KCNH7: variants seen among roughly 807,000 people sequenced by gnomAD.
KCNH7 encodes the protein voltage-gated inwardly rectifying potassium channel KCNH7.
Under a neutral mutation model 120.8 loss-of-function variants are expected in KCNH7, and 49 were observed. That is an observed-to-expected ratio of 0.41 (90% CI 0.32 to 0.51). The LOEUF (loss-of-function observed/expected upper bound fraction) is 0.51. KCNH7 is among the 20% of genes least tolerant of loss of function. The probability of loss-of-function intolerance (pLI) is 0.38; values close to 1 mark genes in which losing one functional copy is unlikely to be tolerated. For missense variants in KCNH7, 1,097 were observed against 1,446.6 expected, an observed-to-expected ratio of 0.76 and a Z score of 3.92; for synonymous variants, 547 against 516.1, an observed-to-expected ratio of 1.06 and a Z score of -0.81.
intron 2 of KCNH7, among the ~76,000 whole-genome samples, chr2:162,730,785 C>A (rs1687697035): frequency 6.6e-6 from 1 of 151,908 alleles, no homozygotes; most frequent in African/African-American, 2.4e-5. Context: ...AAATATGTTC[C>A]AGTGTCATTC....
At chr2:162,572,290 G>GA (rs1693509250) in intron 2 of KCNH7, among the ~76,000 whole-genome samples, 1 of 149,064 alleles carries the variant, frequency 6.7e-6, no homozygotes, top group Non-Finnish European at 1.5e-5. Flanking sequence ...AAAAACACAT[G>GA]AAAAAATGCT....
At chr2:162,710,939 C>T (rs965954086) in intron 2 of KCNH7, among the ~76,000 whole-genome samples, 2 of 152,068 alleles carry the variant, frequency 1.3e-5, no homozygotes, top group Admixed American at 1.3e-4. Flanking sequence ...CGCCATTTTG[C>T]AATTTTGCTT....
intron 3 of KCNH7, among the ~76,000 whole-genome samples, chr2:162,535,218 C>A (rs1161647126): frequency 3.3e-5 from 5 of 151,540 alleles, no homozygotes; most frequent in South Asian, 2.1e-4. Flanking sequence ...TTTAATGATA[C>A]CTTGGAGGTA....
intron 5 of KCNH7, among the ~76,000 whole-genome samples, chr2:162,509,766 TA>T (rs1173754292): frequency 6.6e-6 from 1 of 151,566 alleles, no homozygotes; most frequent in Non-Finnish European, 1.5e-5. Context: ...TTATTTCATT[TA>T]TGAGTCATAT....
At chr2:162,641,432 A>G (rs1042596004) in intron 2 of KCNH7, among the ~76,000 whole-genome samples, 4 of 152,216 alleles carry the variant, frequency 2.6e-5, no homozygotes, top group Admixed American at 6.5e-5. Flanking sequence ...TTCCTAGGCC[A>G]GGTGGCATGG....
intron 2 of KCNH7, among the ~76,000 whole-genome samples, chr2:162,781,993 T>C (rs928639791): frequency 1.3e-5 from 2 of 152,242 alleles, no homozygotes; most frequent in African/African-American, 4.8e-5. Context: ...GTTTTTCTAG[T>C]GTTATTAATT....
chr2:162,414,075 T>C (rs989450464), intron 9 of KCNH7, among the ~76,000 whole-genome samples: 11 of 151,928 alleles, frequency 7.2e-5, no homozygotes, highest in Admixed American at 2.6e-4. Flanking sequence ...AAACAAATTT[T>C]CATATATCCA....
intron 2 of KCNH7, among the ~76,000 whole-genome samples, chr2:162,814,170 G>A (rs1020374281): frequency 4.6e-5 from 7 of 152,100 alleles, no homozygotes; most frequent in Non-Finnish European, 7.4e-5. Context: ...GAGGGAAAGT[G>A]GCAGATATAC....
intron 2 of KCNH7, among the ~76,000 whole-genome samples, chr2:162,677,268 T>A (rs1559077182): frequency 1.3e-5 from 2 of 151,562 alleles, no homozygotes; most frequent in African/African-American, 2.4e-5. Context: ...ATTATTTTTT[T>A]AAACATTTTA....
intron 2 of KCNH7, among the ~76,000 whole-genome samples, chr2:162,729,855 G>T (rs1312179695): frequency 6.6e-6 from 1 of 152,016 alleles, no homozygotes; most frequent in Non-Finnish European, 1.5e-5. Flanking sequence ...TTTTCATGCT[G>T]GGTGTGTGTT....
chr2:162,577,338 A>G (rs1693712431), intron 2 of KCNH7, among the ~76,000 whole-genome samples: 3 of 106,416 alleles, frequency 2.8e-5, no homozygotes, highest in East Asian at 3.8e-4. Context: ...TCTGTCTATC[A>G]TCTATCCATC....
At chr2:162,798,239 G>T (rs186967921) in intron 2 of KCNH7, among the ~76,000 whole-genome samples, 4 of 151,956 alleles carry the variant, frequency 2.6e-5, no homozygotes, top group Non-Finnish European at 5.9e-5. Flanking sequence ...AAAGTAGTTT[G>T]CCCTAAGGCT....
intron 8 of KCNH7, among the ~76,000 whole-genome samples, chr2:162,430,264 C>T (rs909487654): frequency 1.3e-5 from 2 of 151,962 alleles, no homozygotes; most frequent in Admixed American, 6.6e-5. Context: ...TCTATGTGAG[C>T]TCTGGAAATT....
At chr2:162,604,821 T>G (rs995495382) in intron 2 of KCNH7, among the ~76,000 whole-genome samples, 1 of 151,930 alleles carries the variant, frequency 6.6e-6, no homozygotes, top group Non-Finnish European at 1.5e-5. Context: ...TTTCTTGCCC[T>G]AGAAAGGAGG....
At chr2:162,376,906 C>T (rs764159523) in intron 14 of KCNH7, among the ~76,000 whole-genome samples, 3 of 152,012 alleles carry the variant, frequency 2.0e-5, no homozygotes, top group Non-Finnish European at 4.4e-5. Flanking sequence ...AACCTTTAAC[C>T]CTATCTATAG....
At chr2:162,797,419 A>G (rs896134982) in intron 2 of KCNH7, 1 of 152,124 alleles carries the variant, frequency 6.6e-6, no homozygotes, top group Admixed American at 6.6e-5. Context: ...GAGTGGTCAT[A>G]GGAATGAAAA....
chr2:162,759,586 G>A (rs573850369), intron 2 of KCNH7, among the ~76,000 whole-genome samples: 2 of 152,026 alleles, frequency 1.3e-5, no homozygotes, highest in African/African-American at 4.8e-5. Context: ...ATCTATCACT[G>A]ATGTTGATTG....
At chr2:162,618,832 G>C (rs752144440) in intron 2 of KCNH7, among the ~76,000 whole-genome samples, 1 of 152,234 alleles carries the variant, frequency 6.6e-6, no homozygotes, top group South Asian at 2.1e-4. Flanking sequence ...CCATCATAAC[G>C]ATTAATTAAA....
chr2:162,493,470 G>A (rs1350347926), intron 6 of KCNH7, among the ~76,000 whole-genome samples: 1 of 152,178 alleles, frequency 6.6e-6, no homozygotes, highest in Admixed American at 6.5e-5. Flanking sequence ...ATGTAAATAT[G>A]TGGTCTAAAG....
Sources: gnomAD v4.1 joint callset for allele counts (sites outside exome capture counted in the v4.1 genomes callset) on GRCh38, gnomAD v4.1.1 for gene constraint, MANE v1.5 for transcripts, NCBI Gene and HGNC (gene_info 2026-07-23, HGNC 2026-07-21) for gene names.